CSMD1: variants seen among roughly 807,000 people sequenced by gnomAD.
CSMD1 encodes the protein CUB and Sushi multiple domains 1.
Under a neutral mutation model 417.5 loss-of-function variants are expected in CSMD1, and 213 were observed. The observed-to-expected ratio is 0.51, with a 90% CI of 0.46 to 0.57. CSMD1 has a LOEUF of 0.57. Among genes scored for constraint, CSMD1 ranks in the 20% least tolerant of loss-of-function variants. The pLI is 0.00. For missense variants in CSMD1, 6,923 were observed against 4,529.7 expected (o/e 1.53, Z -15.17); for synonymous variants, 2,862 against 1,736.8 (o/e 1.65, Z -16.11).
At chr8:4,015,870 G>C (rs901632601) in intron 4 of CSMD1, among the ~76,000 whole-genome samples, 2 of 152,092 alleles carry the variant, frequency 1.3e-5, no homozygotes, top group African/African-American at 4.8e-5. Context: ...GTTTTCTATG[G>C]TTTACATCTC....
chr8:3,254,347 T>C (rs1045923469), intron 26 of CSMD1, among the ~76,000 whole-genome samples: 2 of 152,192 alleles, frequency 1.3e-5, no homozygotes, highest in African/African-American at 2.4e-5. Flanking sequence ...CTGACAATTA[T>C]GTGTCTTAGA....
At chr8:3,356,015 C>G (rs1435492851) in intron 21 of CSMD1, among the ~76,000 whole-genome samples, 1 of 152,114 alleles carries the variant, frequency 6.6e-6, no homozygotes, top group African/African-American at 2.4e-5. Flanking sequence ...AAAAAAGTTT[C>G]CATCTCTTTC....
At chr8:4,631,527 T>A (rs1052261591) in intron 2 of CSMD1, among the ~76,000 whole-genome samples, 1 of 152,034 alleles carries the variant, frequency 6.6e-6, no homozygotes. Flanking sequence ...CCTAATGTAA[T>A]TGAGACCCTT....
intron 2 of CSMD1, among the ~76,000 whole-genome samples, chr8:4,625,164 C>T (rs1310622041): frequency 6.6e-6 from 1 of 152,012 alleles, no homozygotes; most frequent in Non-Finnish European, 1.5e-5. Context: ...GGACGGGAAT[C>T]TCGTACGGGG....
intron 1 of CSMD1, among the ~76,000 whole-genome samples, chr8:4,944,275 C>G (rs893899094): frequency 6.6e-6 from 1 of 152,102 alleles, no homozygotes; most frequent in African/African-American, 2.4e-5. Flanking sequence ...GGATTCTATA[C>G]TGTGAGTATT....
chr8:3,299,261 G>T (rs1478169937), intron 25 of CSMD1, among the ~76,000 whole-genome samples: 1 of 152,100 alleles, frequency 6.6e-6, no homozygotes, highest in Non-Finnish European at 1.5e-5. Flanking sequence ...AGACCAGCCT[G>T]GCCAATATGG....
chr8:3,983,124 C>G (rs1028772734), intron 5 of CSMD1, among the ~76,000 whole-genome samples: 15 of 125,264 alleles, frequency 1.2e-4, no homozygotes, highest in African/African-American at 4.6e-4. Flanking sequence ...CATCCTCCCA[C>G]ATCTTTCTTT....
chr8:3,621,068 G>C (rs1796213840), intron 7 of CSMD1, among the ~76,000 whole-genome samples: 1 of 152,198 alleles, frequency 6.6e-6, no homozygotes, highest in South Asian at 2.1e-4. Flanking sequence ...GAAAGTCCAT[G>C]TGAAGACACA....
chr8:3,985,100 C>T (rs1213470114), intron 5 of CSMD1, among the ~76,000 whole-genome samples: 1 of 151,926 alleles, frequency 6.6e-6, no homozygotes, highest in East Asian at 1.9e-4. Flanking sequence ...TTAGGGGGGA[C>T]TTGTCATGAA....
At chr8:4,905,454 T>C (rs1260559761) in intron 1 of CSMD1, among the ~76,000 whole-genome samples, 1 of 152,128 alleles carries the variant, frequency 6.6e-6, no homozygotes, top group Non-Finnish European at 1.5e-5. Context: ...GACTCTCACT[T>C]TCTGCTTTAG....
At chr8:3,927,917 T>A (rs1809860051) in intron 5 of CSMD1, among the ~76,000 whole-genome samples, 1 of 152,270 alleles carries the variant, frequency 6.6e-6, no homozygotes, top group African/African-American at 2.4e-5. Context: ...TCATTTTACA[T>A]CAAATTCTTT....
At chr8:3,530,338 G>C (rs1261406235) in intron 10 of CSMD1, among the ~76,000 whole-genome samples, 1 of 152,122 alleles carries the variant, frequency 6.6e-6, no homozygotes, top group Non-Finnish European at 1.5e-5. Context: ...CATCCTGTAA[G>C]TTTTGGTATG....
At chr8:3,838,402 A>C (rs1802844198) in intron 5 of CSMD1, among the ~76,000 whole-genome samples, 1 of 140,662 alleles carries the variant, frequency 7.1e-6, no homozygotes, top group Non-Finnish European at 1.5e-5. Flanking sequence ...TATAGCCTAT[A>C]TATATAGAGA....
intron 12 of CSMD1, among the ~76,000 whole-genome samples, chr8:3,438,919 G>A (rs1209522834): frequency 2.0e-5 from 3 of 151,234 alleles, no homozygotes; most frequent in African/African-American, 7.3e-5. Context: ...AGTTCAAGAT[G>A]AGTCTGGCCA....
chr8:3,777,916 C>T (rs13439845), intron 5 of CSMD1, among the ~76,000 whole-genome samples: 1 of 148,484 alleles, frequency 6.7e-6, no homozygotes, highest in African/African-American at 2.5e-5. Flanking sequence ...ACTCCAGACC[C>T]GCAGCCTCCT....
At chr8:3,508,700 G>T (rs1000626093) in intron 10 of CSMD1, among the ~76,000 whole-genome samples, 1 of 151,996 alleles carries the variant, frequency 6.6e-6, no homozygotes, top group East Asian at 1.9e-4. Context: ...TTTTCTGCGA[G>T]TTTTATGTCA....
intron 3 of CSMD1, among the ~76,000 whole-genome samples, chr8:4,362,364 C>A (rs559081730): frequency 6.6e-6 from 1 of 151,912 alleles, no homozygotes; most frequent in Non-Finnish European, 1.5e-5. Flanking sequence ...CTGCCCCCTG[C>A]ACTCATAGTG....
At chr8:3,226,994 T>C (rs1194764082) in intron 27 of CSMD1, among the ~76,000 whole-genome samples, 1 of 152,110 alleles carries the variant, frequency 6.6e-6, no homozygotes, top group Admixed American at 6.5e-5. Context: ...CAAGACATCA[T>C]CACTTTGTGC....
intron 40 of CSMD1, among the ~76,000 whole-genome samples, chr8:3,150,414 C>T (rs974252153): frequency 6.6e-6 from 1 of 152,190 alleles, no homozygotes; most frequent in Non-Finnish European, 1.5e-5. Flanking sequence ...ACCTGTCGGG[C>T]CGTCATTCCG....
Sources: gnomAD v4.1 joint callset for allele counts (sites outside exome capture counted in the v4.1 genomes callset) on GRCh38, gnomAD v4.1.1 for gene constraint, MANE v1.5 for transcripts, NCBI Gene and HGNC (gene_info 2026-07-23, HGNC 2026-07-21) for gene names.